ZNF846: variants seen among roughly 807,000 people sequenced by gnomAD.
ZNF846 encodes the protein zinc finger protein 420 pseudogene.
A neutral mutation model predicts 16.0 loss-of-function variants in ZNF846; 15 were observed. The ratio of observed to expected loss-of-function variants is 0.94; its 90% CI spans 0.63 to 1.45. The LOEUF (loss-of-function observed/expected upper bound fraction) is 1.45, where lower values mean the gene tolerates loss of function less well. Ranked by LOEUF, ZNF846 falls within the 40% of genes most tolerant of loss-of-function variation. The probability of loss-of-function intolerance (pLI) is 0.00; values close to 1 mark genes in which losing one functional copy is unlikely to be tolerated. For missense variants in ZNF846, 714 were observed against 622.3 expected (o/e 1.15, Z -1.57); for synonymous variants, 229 against 212.0 (o/e 1.08, Z -0.70).
At chr19:9,754,555 ACT>A (rs1453352214), downstream of ZNF846, among the ~76,000 whole-genome samples, 50 of 119,434 alleles carry the variant, frequency 4.2e-4, no homozygotes, top group African/African-American at 1.9e-3. Flanking sequence ...ACAGAGCGAG[ACT>A]CTGTCTTAAA....
intron 1 of ZNF846, among the ~76,000 whole-genome samples, chr19:9,783,216 TTC>T (rs2045519829): frequency 1.5e-5 from 2 of 136,586 alleles, no homozygotes; most frequent in African/African-American, 2.8e-5. Context: ...CTCCCTATAA[TTC>T]TTTTTTTTTT....
chr19:9,756,651 T>C (rs1052796879), downstream of ZNF846: 1 of 151,426 alleles, frequency 6.6e-6, no homozygotes, highest in Non-Finnish European at 1.5e-5. Flanking sequence ...CTGTGAGTTC[T>C]TTGATGTTGA....
At chr19:9,777,244 A>G (rs911994466) in intron 1 of ZNF846, among the ~76,000 whole-genome samples, 10 of 151,802 alleles carry the variant, frequency 6.6e-5, no homozygotes, top group African/African-American at 2.4e-4. Context: ...AGGCAGGAGG[A>G]TTGCTTGAAC....
intron 1 of ZNF846, among the ~76,000 whole-genome samples, chr19:9,782,410 G>A (rs1168147314): frequency 6.6e-6 from 1 of 152,064 alleles, no homozygotes; most frequent in Non-Finnish European, 1.5e-5. Context: ...AACTTCAGGT[G>A]TGCACCACCA....
At chr19:9,764,811 T>A in intron 2 of ZNF846, 125 bp downstream of exon 2, 2 of 1,145,868 alleles carry the variant, frequency 1.7e-6, no homozygotes, top group Non-Finnish European at 2.6e-6. Flanking sequence ...GAAATTCACC[T>A]GGGGAGTTAT....
downstream of ZNF846, chr19:9,757,389 T>C: frequency 1.8e-6 from 2 of 1,101,666 alleles, no homozygotes; most frequent in Non-Finnish European, 1.3e-6. Context: ...ATATGGAAAT[T>C]CAGTGAAGGT....
intron 5 of ZNF846, 54 bp downstream of exon 5, chr19:9,759,806 G>C: frequency 7.3e-7 from 1 of 1,361,436 alleles, no homozygotes; most frequent in South Asian, 1.3e-5. Context: ...TAATTTTCAT[G>C]AATATTGTGC....
At chr19:9,768,149 CTG>C (rs1231442311) in intron 1 of ZNF846, 138 bp downstream of exon 1, 1 of 152,158 alleles carries the variant, frequency 6.6e-6, no homozygotes, top group African/African-American at 2.4e-5. Context: ...TGCTTTATAA[CTG>C]TGGCAATATT....
exon 6 of ZNF846, chr19:9,758,286 G>A (rs1265496135): frequency 6.2e-7 from 1 of 1,613,184 alleles, no homozygotes; most frequent in Admixed American, 1.7e-5. Context: ...TGTGGATTGA[G>A]TGAAAGCTTT....
At chr19:9,757,768 G>C in exon 6 of ZNF846, 3 of 1,613,696 alleles carry the variant, frequency 1.9e-6, no homozygotes, top group East Asian at 2.2e-5. Context: ...TGGGTACTAA[G>C]GCCCGAGGAT....
chr19:9,754,564 T>TAAAAAA (rs545236944), downstream of ZNF846, among the ~76,000 whole-genome samples: 274 of 88,644 alleles, frequency 3.1e-3, 4 homozygotes, highest in African/African-American at 0.012. Flanking sequence ...GACTCTGTCT[T>TAAAAAA]AAAAAAAAAA....
At chr19:9,769,742 G>A (rs1368891465), upstream of ZNF846, among the ~76,000 whole-genome samples, 2 of 152,014 alleles carry the variant, frequency 1.3e-5, no homozygotes, top group East Asian at 1.9e-4. Flanking sequence ...TTGGGAAGCC[G>A]AGGCGGGTGG....
exon 6 of ZNF846, chr19:9,757,648 G>C (rs764074800): frequency 1.3e-5 from 21 of 1,613,384 alleles, no homozygotes; most frequent in Middle Eastern, 1.6e-4. Flanking sequence ...CATGCATAAG[G>C]CTTTTCTCCT....
chr19:9,753,935 G>C (rs2045108828), downstream of ZNF846, among the ~76,000 whole-genome samples: 1 of 151,608 alleles, frequency 6.6e-6, no homozygotes, highest in Non-Finnish European at 1.5e-5. Flanking sequence ...TTTCCTTCTT[G>C]ATATTATCGT....
At chr19:9,763,072 AG>A (rs1253549272) in intron 3 of ZNF846, among the ~76,000 whole-genome samples, 2 of 150,214 alleles carry the variant, frequency 1.3e-5, no homozygotes, top group South Asian at 2.1e-4. Flanking sequence ...TGAATCCAGG[AG>A]GGGGGGCTTT....
downstream of ZNF846, among the ~76,000 whole-genome samples, chr19:9,751,585 G>A (rs964702196): frequency 1.3e-5 from 2 of 151,912 alleles, no homozygotes; most frequent in African/African-American, 4.8e-5. Flanking sequence ...TCTTCTGAAT[G>A]TACTTTGTAA....
chr19:9,783,218 CTTTTTTTTTTT>C (rs74183307), intron 1 of ZNF846, among the ~76,000 whole-genome samples: 19 of 65,406 alleles, frequency 2.9e-4, no homozygotes, highest in African/African-American at 1.0e-3. Context: ...CCCTATAATT[CTTTTTTTTTTT>C]TTTTTTTTTT....
At chr19:9,776,336 AGTC>A (rs386806729) in intron 1 of ZNF846, among the ~76,000 whole-genome samples, 16,602 of 152,214 alleles carry the variant, frequency 0.11, 1,277 homozygotes, top group African/African-American at 0.21. Context: ...TCACACTCCT[AGTC>A]CGCCTTCATG....
chr19:9,783,669 G>C (rs968527846), intron 1 of ZNF846, among the ~76,000 whole-genome samples: 1 of 148,826 alleles, frequency 6.7e-6, no homozygotes, highest in South Asian at 2.1e-4. Flanking sequence ...GTGAGTCACC[G>C]TGTCCGGCCA....
Sources: gnomAD v4.1 joint callset for allele counts (sites outside exome capture counted in the v4.1 genomes callset) on GRCh38, gnomAD v4.1.1 for gene constraint, MANE v1.5 for transcripts, NCBI Gene and HGNC (gene_info 2026-07-23, HGNC 2026-07-21) for gene names.